MYO9A: variants seen among roughly 807,000 people sequenced by gnomAD.
The protein encoded by MYO9A is unconventional myosin-IXa.
A neutral mutation model predicts 293.3 loss-of-function variants in MYO9A; 103 were observed. The observed-to-expected ratio is 0.35, with a 90% CI of 0.30 to 0.41. The LOEUF (loss-of-function observed/expected upper bound fraction) is 0.41. Among genes scored for constraint, MYO9A ranks in the 10% least tolerant of loss-of-function variants. The probability of loss-of-function intolerance (pLI) is 1.00; values close to 1 mark genes in which losing one functional copy is unlikely to be tolerated. For synonymous variants in MYO9A, 1,001 were observed against 1,035.7 expected (o/e 0.97, Z 0.64); for missense variants, 2,685 against 3,033.0 (o/e 0.89, Z 2.69).
chr15:71,917,257 C>G (rs1361141170), intron 18 of MYO9A, among the ~76,000 whole-genome samples: 1 of 152,168 alleles, frequency 6.6e-6, no homozygotes. Context: ...ACCAAGTAGG[C>G]TGGGCACAGT....
At chr15:71,963,398 T>C (rs994655643) in intron 13 of MYO9A, among the ~76,000 whole-genome samples, 1 of 151,560 alleles carries the variant, frequency 6.6e-6, no homozygotes, top group Non-Finnish European at 1.5e-5. Context: ...CACTCATTTC[T>C]TCACTCAACC....
chr15:71,827,565 T>G (rs556534717), intron 41 of MYO9A, among the ~76,000 whole-genome samples: 15 of 151,876 alleles, frequency 9.9e-5, no homozygotes, highest in Non-Finnish European at 1.6e-4. Context: ...CGTTGAAGAG[T>G]TGGTTTGATA....
At chr15:71,842,914 C>T (rs1424134693) in intron 39 of MYO9A, among the ~76,000 whole-genome samples, 1 of 135,362 alleles carries the variant, frequency 7.4e-6, no homozygotes, top group Non-Finnish European at 1.6e-5. Context: ...TTTGTGTATG[C>T]ATGTGTGTGT....
intron 34 of MYO9A, among the ~76,000 whole-genome samples, chr15:71,856,098 G>A (rs149102014): frequency 6.6e-6 from 1 of 152,010 alleles, no homozygotes; most frequent in Non-Finnish European, 1.5e-5. Flanking sequence ...ATCACCTAAG[G>A]TCAGGAGTTC....
chr15:71,991,017 T>A, intron 11 of MYO9A, 86 bp downstream of exon 11: 2 of 1,205,204 alleles, frequency 1.7e-6, no homozygotes, highest in Non-Finnish European at 2.2e-6. Flanking sequence ...CAATAAAATG[T>A]GTGAAAAAAT....
intron 1 of MYO9A, among the ~76,000 whole-genome samples, chr15:72,090,427 A>G (rs2079869940): frequency 1.3e-5 from 2 of 152,316 alleles, no homozygotes; most frequent in African/African-American, 4.8e-5. Flanking sequence ...GTCCCTGTCA[A>G]TATTCCCAGA....
At chr15:71,884,857 CT>C (rs2142754999) in intron 27 of MYO9A, among the ~76,000 whole-genome samples, 1 of 151,962 alleles carries the variant, frequency 6.6e-6, no homozygotes, top group African/African-American at 2.4e-5. Context: ...CAGTATTATC[CT>C]TACTTTACAC....
intron 6 of MYO9A, among the ~76,000 whole-genome samples, chr15:72,015,219 G>A (rs909836939): frequency 9.2e-5 from 14 of 151,948 alleles, no homozygotes; most frequent in African/African-American, 2.7e-4. Context: ...ATACTAGACC[G>A]GCAGAGGGTA....
intron 2 of MYO9A, among the ~76,000 whole-genome samples, chr15:72,034,084 C>T (rs868136343): frequency 1.3e-5 from 2 of 152,164 alleles, no homozygotes; most frequent in East Asian, 1.9e-4. Context: ...CAAGACAAGG[C>T]GAGGACGTCA....
chr15:71,830,144 T>C lies in MYO9A; in HGVS notation c.7005A>G (p.Val2335=), dbSNP rs766833658. 6.2e-7 allele frequency: 1 copy of C among 1,614,146 alleles called. No individual in the cohort carries two copies. Among genetic ancestry groups the C allele is most frequent in the Non-Finnish European group, 8.5e-7 (1 of 1,179,996 alleles). ...GTAGGTTCTCAATCTGCTCAGTCAGTACTCTCTCCTCCTGCTGCATAGCTG... is the reference window on the plus strand; with the variant it reads ...GTAGGTTCTCAATCTGCTCAGTCAGCACTCTCTCCTCCTGCTGCATAGCTG... ...QQAAMQQEER[V]LTEQIENLQK... Residue 2335 remains valine, a synonymous_variant, in exon 40 of 42, where the codon GTA becomes GTG. Transcript: ENST00000356056.
intron 20 of MYO9A, 134 bp from the exon 21 acceptor site, chr15:71,904,173 T>A (rs1002056241): frequency 1.5e-6 from 1 of 686,818 alleles, no homozygotes; most frequent in Non-Finnish European, 2.5e-6. Flanking sequence ...AGTAACTAAG[T>A]ATATTAAGGC....
At chr15:72,070,585 G>A (rs890332416) in intron 1 of MYO9A, among the ~76,000 whole-genome samples, 2 of 152,032 alleles carry the variant, frequency 1.3e-5, no homozygotes, top group Non-Finnish European at 2.9e-5. Context: ...ATAAAATACT[G>A]AGACTTAGGC....
intron 38 of MYO9A, 106 bp from the exon 39 acceptor site, chr15:71,849,074 T>C: frequency 9.4e-7 from 1 of 1,059,792 alleles, no homozygotes; most frequent in Non-Finnish European, 1.3e-6. Flanking sequence ...AAGGAAAAAA[T>C]TAACATCCCT....
chr15:71,901,087 G>T, intron 23 of MYO9A, 104 bp downstream of exon 23: 1 of 1,261,264 alleles, frequency 7.9e-7, no homozygotes, highest in Non-Finnish European at 1.1e-6. Flanking sequence ...CATTTCTGAA[G>T]TTCACATTAT....
chr15:71,912,034 T>G (rs899981893), intron 19 of MYO9A, among the ~76,000 whole-genome samples: 78 of 152,320 alleles, frequency 5.1e-4, no homozygotes, highest in African/African-American at 1.9e-3. Context: ...TACTAACTGT[T>G]AACTCTTTTT....
At chr15:71,844,191 A>G (rs2055287276) in intron 39 of MYO9A, among the ~76,000 whole-genome samples, 1 of 152,206 alleles carries the variant, frequency 6.6e-6, no homozygotes, top group Non-Finnish European at 1.5e-5. Flanking sequence ...CTGTGCCACC[A>G]GGCAGAATTA....
At chr15:72,058,842 A>G (rs1437278141) in intron 1 of MYO9A, among the ~76,000 whole-genome samples, 1 of 152,210 alleles carries the variant, frequency 6.6e-6, no homozygotes, top group Non-Finnish European at 1.5e-5. Context: ...CAGGGAATAA[A>G]GAGTTTCCTT....
Position 72,103,554 on chromosome 15 carries a change from AAGCAGAAGC to A in MYO9A, c.-72+14117_-72+14125del, listed in dbSNP as rs891708855. Among the ~76,000 whole-genome samples the A allele has an allele frequency of 7.9e-5, 12 of 151,376 alleles. No homozygotes were observed. In the East Asian group the frequency reaches 1.2e-3, roughly 15 times the overall value. On this transcript the variant is annotated intron_variant, in intron 1 of 41. Coordinates refer to ENST00000356056, the MANE Select transcript of MYO9A (RefSeq NM_006901.4). ...GAAGCAGAAGCAGCAGAAGCAGTGG[AAGCAGAAGC>A]AGCAGAAGCAGTGGAAGCAGAAGCA...
chr15:71,833,330 G>C (rs773579881), intron 39 of MYO9A, among the ~76,000 whole-genome samples: 23 of 151,930 alleles, frequency 1.5e-4, no homozygotes, highest in Non-Finnish European at 3.2e-4. Context: ...AATAAAGCTA[G>C]TACAGCTATA....
Sources: gnomAD v4.1 joint callset for allele counts (sites outside exome capture counted in the v4.1 genomes callset) on GRCh38, gnomAD v4.1.1 for gene constraint, MANE v1.5 for transcripts, NCBI Gene and HGNC (gene_info 2026-07-23, HGNC 2026-07-21) for gene names.